Variants in FSTL5 observed in about 807,000 individuals in gnomAD.
FSTL5 encodes the protein follistatin like 5, also known as follistatin-related protein 5.
Under a neutral mutation model 89.1 loss-of-function variants are expected in FSTL5, and 62 were observed. The ratio of observed to expected loss-of-function variants is 0.70; its 90% confidence interval spans 0.57 to 0.86. The LOEUF (loss-of-function observed/expected upper bound fraction) is 0.86. FSTL5 is among the 40% of genes least tolerant of loss of function. The pLI, the probability that FSTL5 is intolerant of heterozygous loss-of-function variation, is 0.00. For synonymous variants in FSTL5, 383 were observed against 346.2 expected (o/e 1.11, Z -1.18); for missense variants, 1,057 against 1,001.6 (o/e 1.06, Z -0.75).
intron 4 of FSTL5, among the ~76,000 whole-genome samples, chr4:161,886,708 A>G (rs1732819508): frequency 6.6e-6 from 1 of 152,172 alleles, no homozygotes; most frequent in Non-Finnish European, 1.5e-5. Flanking sequence ...TTCATTTATC[A>G]GAAAGCTTAG....
chr4:161,746,830 TC>T (rs111331238), intron 6 of FSTL5, among the ~76,000 whole-genome samples: 3,619 of 152,294 alleles, frequency 0.024, 68 homozygotes, highest in South Asian at 0.069. Context: ...GCCTCTTTTT[TC>T]ACTAATTTCT....
intron 8 of FSTL5, among the ~76,000 whole-genome samples, chr4:161,565,487 C>T (rs749277339): frequency 2.6e-5 from 4 of 151,700 alleles, no homozygotes; most frequent in South Asian, 2.1e-4. Flanking sequence ...AATTATTTAT[C>T]TTACACAAGT....
chr4:161,406,948 G>C (rs1441226570), intron 15 of FSTL5, among the ~76,000 whole-genome samples: 1 of 151,992 alleles, frequency 6.6e-6, no homozygotes, highest in Non-Finnish European at 1.5e-5. Context: ...TGTTCAATTT[G>C]TTTATATTCA....
chr4:161,419,114 A>C (rs1731893155), intron 15 of FSTL5, among the ~76,000 whole-genome samples: 1 of 152,176 alleles, frequency 6.6e-6, no homozygotes, highest in African/African-American at 2.4e-5. Flanking sequence ...GATAACCTAT[A>C]ATACACACAT....
At chr4:161,518,982 T>A (rs144112115) in intron 10 of FSTL5, among the ~76,000 whole-genome samples, 2 of 152,220 alleles carry the variant, frequency 1.3e-5, no homozygotes, top group East Asian at 3.9e-4. Context: ...AGGTCTCAGT[T>A]TTTTATTCCC....
intron 7 of FSTL5, among the ~76,000 whole-genome samples, chr4:161,589,147 C>T (rs1026684169): frequency 6.8e-6 from 1 of 146,704 alleles, no homozygotes; most frequent in Non-Finnish European, 1.5e-5. Context: ...CTCCATCACA[C>T]CCAGTTAATT....
intron 4 of FSTL5, among the ~76,000 whole-genome samples, chr4:161,910,935 T>G (rs1399898186): frequency 6.6e-6 from 1 of 152,146 alleles, no homozygotes; most frequent in Non-Finnish European, 1.5e-5. Flanking sequence ...TACATTTTGA[T>G]TTTTTTCCTG....
At chr4:161,633,076 C>T (rs1441172796) in intron 7 of FSTL5, among the ~76,000 whole-genome samples, 1 of 151,590 alleles carries the variant, frequency 6.6e-6, no homozygotes, top group Non-Finnish European at 1.5e-5. Flanking sequence ...TGTTACCTAG[C>T]AAATGATAGC....
chr4:161,402,438 C>T (rs180949933), intron 15 of FSTL5, among the ~76,000 whole-genome samples: 153 of 152,164 alleles, frequency 1.0e-3, no homozygotes, highest in Non-Finnish European at 2.0e-3. Flanking sequence ...GAAACAATGC[C>T]ACATTGTGTT....
chr4:161,510,197 T>G (rs1217944125), intron 11 of FSTL5, among the ~76,000 whole-genome samples: 1 of 152,190 alleles, frequency 6.6e-6, no homozygotes, highest in Admixed American at 6.5e-5. Context: ...TTTCTGGCTA[T>G]GTATCAATAT....
intron 2 of FSTL5, among the ~76,000 whole-genome samples, chr4:162,103,721 T>C (rs540574385): frequency 2.6e-5 from 4 of 152,308 alleles, no homozygotes; most frequent in Non-Finnish European, 4.4e-5. Flanking sequence ...CAGGACTAGC[T>C]GGATTTCCTA....
intron 3 of FSTL5, among the ~76,000 whole-genome samples, chr4:161,959,808 T>C (rs903784083): frequency 1.3e-5 from 2 of 152,262 alleles, no homozygotes; most frequent in Admixed American, 6.6e-5. Context: ...TGCTATTGAA[T>C]TAGCCTTTAA....
intron 15 of FSTL5, among the ~76,000 whole-genome samples, chr4:161,453,795 T>C (rs1471016535): frequency 6.6e-6 from 1 of 152,074 alleles, no homozygotes; most frequent in Non-Finnish European, 1.5e-5. Context: ...GGTTTTGCCA[T>C]GTTGCCCAGG....
chr4:161,947,258 TC>T (rs1734762554), intron 3 of FSTL5, among the ~76,000 whole-genome samples: 1 of 39,646 alleles, frequency 2.5e-5, no homozygotes, highest in African/African-American at 5.4e-5. Flanking sequence ...TAAAGTTCTA[TC>T]TATCTTTTAT....
At chr4:161,568,993 G>C (rs567462203) in intron 8 of FSTL5, among the ~76,000 whole-genome samples, 1 of 152,080 alleles carries the variant, frequency 6.6e-6, no homozygotes, top group Admixed American at 6.6e-5. Context: ...CCCCAGTTCT[G>C]TTATTTATGT....
chr4:161,801,263 T>G (rs1388135106), intron 4 of FSTL5, among the ~76,000 whole-genome samples: 1 of 151,608 alleles, frequency 6.6e-6, no homozygotes, highest in Non-Finnish European at 1.5e-5. Flanking sequence ...ATGAACTATA[T>G]TATTTCTTCT....
chr4:161,577,536 G>A (rs1407769464), intron 8 of FSTL5, among the ~76,000 whole-genome samples: 5 of 150,490 alleles, frequency 3.3e-5, no homozygotes, highest in South Asian at 2.1e-4. Flanking sequence ...TCTTCCTGGC[G>A]GCATCCATTG....
intron 10 of FSTL5, 125 bp downstream of exon 10, chr4:161,538,041 A>C: frequency 1.2e-6 from 1 of 833,346 alleles, no homozygotes; most frequent in Non-Finnish European, 1.8e-6. Context: ...TCCTACGTAT[A>C]AAATCTATTT....
chr4:161,550,130 C>T (rs113298527), intron 8 of FSTL5, among the ~76,000 whole-genome samples: 3 of 151,804 alleles, frequency 2.0e-5, no homozygotes, highest in East Asian at 3.9e-4. Context: ...GGCCTAATAA[C>T]CCTTAGTGTC....
Sources: allele counts gnomAD v4.1 joint callset (sites outside exome capture counted in the v4.1 genomes callset), GRCh38; gene constraint gnomAD v4.1.1; transcripts MANE v1.5; gene names NCBI Gene and HGNC (gene_info 2026-07-23, HGNC 2026-07-21).